The following FARS2 variants were observed in gnomAD, a reference collection of about 807,000 sequenced individuals.
FARS2 encodes phenylalanyl-tRNA synthetase 2, mitochondrial, also known as phenylalanine--tRNA ligase, mitochondrial.
A neutral mutation model predicts 46.4 loss-of-function variants in FARS2; 40 were observed. That is an observed-to-expected ratio of 0.86 (90% CI 0.67 to 1.12). The LOEUF (loss-of-function observed/expected upper bound fraction) is 1.12. Among genes scored for constraint, FARS2 ranks in the 50% most tolerant of loss-of-function variants. FARS2 has a pLI of 0.00. For missense variants in FARS2, 513 were observed against 567.9 expected, an observed-to-expected ratio of 0.90 and a Z score of 0.98; for synonymous variants, 234 against 214.9, an observed-to-expected ratio of 1.09 and a Z score of -0.78.
chr6:5,514,769 CTT>C (rs748510419), intron 4 of FARS2, among the ~76,000 whole-genome samples: 4 of 143,326 alleles, frequency 2.8e-5, no homozygotes, highest in Non-Finnish European at 4.6e-5. Context: ...ACATCTGTGG[CTT>C]TTTTTTTTTT....
intron 4 of FARS2, among the ~76,000 whole-genome samples, chr6:5,447,184 C>A (rs550596702): frequency 1.3e-5 from 2 of 152,162 alleles, no homozygotes; most frequent in East Asian, 1.9e-4. Flanking sequence ...GGAGAACAGG[C>A]GAATTGTCTA....
intron 6 of FARS2, among the ~76,000 whole-genome samples, chr6:5,769,171 G>A (rs1368088987): frequency 6.6e-6 from 1 of 152,118 alleles, no homozygotes; most frequent in African/African-American, 2.4e-5. Context: ...GTGAGGTAGG[G>A]ATTCAGCTTC....
intron 6 of FARS2, among the ~76,000 whole-genome samples, chr6:5,650,571 C>T (rs1250688548): frequency 1.3e-5 from 2 of 152,168 alleles, no homozygotes; most frequent in South Asian, 2.1e-4. Context: ...AGCTCCCCCT[C>T]CTGGGTTCAC....
Position 5,652,362 on chromosome 6 carries a change from C to T in FARS2, c.1217+39042C>T, listed in dbSNP as rs184905930. Among the ~76,000 whole-genome samples, 641 of 152,242 alleles carry T rather than the reference C, an allele frequency of 4.2e-3. 3 individuals are homozygous for T. Among genetic ancestry groups the T allele is most frequent in the African/African-American group, 0.014 (601 of 41,558 alleles). ...AAGTCCTGAGAATTATTTGACCCTT[C>T]GAATCTGTGCAAGTAGAACTTTGAT... is the stretch of plus-strand genomic sequence containing the variant. On this transcript the variant is annotated intron_variant, in intron 6 of 6. Transcript: ENST00000274680.
At chr6:5,292,840 A>G (rs561841109) in intron 1 of FARS2, among the ~76,000 whole-genome samples, 1 of 152,220 alleles carries the variant, frequency 6.6e-6, no homozygotes, top group Non-Finnish European at 1.5e-5. Flanking sequence ...GAGAGGGCCA[A>G]AGATGGAACT....
intron 6 of FARS2, among the ~76,000 whole-genome samples, chr6:5,692,348 T>C (rs1485211481): frequency 1.3e-5 from 2 of 152,342 alleles, no homozygotes; most frequent in East Asian, 3.9e-4. Context: ...TTCTATGAAT[T>C]TCTTAGGCTG....
intron 6 of FARS2, among the ~76,000 whole-genome samples, chr6:5,626,337 A>C (rs533394910): frequency 3.9e-5 from 6 of 152,264 alleles, no homozygotes; most frequent in African/African-American, 1.4e-4. Context: ...CATGGATCCC[A>C]GTATCCCGCA....
At chr6:5,634,267 T>A (rs938300004) in intron 6 of FARS2, among the ~76,000 whole-genome samples, 8 of 152,168 alleles carry the variant, frequency 5.3e-5, no homozygotes, top group African/African-American at 1.9e-4. Flanking sequence ...AAGTGAATCT[T>A]TTACAAAAGA....
At chr6:5,502,532 T>C (rs931182078) in intron 4 of FARS2, among the ~76,000 whole-genome samples, 1 of 152,218 alleles carries the variant, frequency 6.6e-6, no homozygotes, top group African/African-American at 2.4e-5. Flanking sequence ...ATATTTACCA[T>C]TCACATAAAA....
chr6:5,473,026 T>C (rs1304873885), intron 4 of FARS2, among the ~76,000 whole-genome samples: 5 of 152,192 alleles, frequency 3.3e-5, no homozygotes, highest in Admixed American at 6.5e-5. Flanking sequence ...TTGCAGTCCA[T>C]AGATATGTTC....
At chr6:5,716,569 G>C (rs1448604489) in intron 6 of FARS2, among the ~76,000 whole-genome samples, 1 of 152,168 alleles carries the variant, frequency 6.6e-6, no homozygotes, top group Non-Finnish European at 1.5e-5. Context: ...CTCCAATTCA[G>C]TTCTGACACT....
intron 6 of FARS2, among the ~76,000 whole-genome samples, chr6:5,636,990 A>G (rs1389239868): frequency 2.6e-5 from 4 of 152,256 alleles, no homozygotes; most frequent in Non-Finnish European, 2.9e-5. Flanking sequence ...CAAGAAGTCC[A>G]TAGAACATTC....
At chr6:5,521,865 G>A (rs1192306227) in intron 4 of FARS2, among the ~76,000 whole-genome samples, 1 of 152,114 alleles carries the variant, frequency 6.6e-6, no homozygotes, top group African/African-American at 2.4e-5. Flanking sequence ...TTTATAAGTG[G>A]TCGAGTCTCT....
At chr6:5,338,098 A>G (rs1455752226) in intron 1 of FARS2, among the ~76,000 whole-genome samples, 2 of 152,214 alleles carry the variant, frequency 1.3e-5, no homozygotes, top group African/African-American at 4.8e-5. Flanking sequence ...AGAAAGAGAA[A>G]CATAGAATGA....
chr6:5,578,349 A>C (rs1037737815), intron 5 of FARS2, among the ~76,000 whole-genome samples: 12 of 152,084 alleles, frequency 7.9e-5, no homozygotes, highest in African/African-American at 2.9e-4. Context: ...GGCTGCGCTG[A>C]GGTTATGCTC....
At chr6:5,563,132 A>G (rs1042699994) in intron 5 of FARS2, among the ~76,000 whole-genome samples, 2 of 152,130 alleles carry the variant, frequency 1.3e-5, no homozygotes, top group Non-Finnish European at 2.9e-5. Flanking sequence ...CCTGCCACGT[A>G]TACCAGCCAG....
Position 5,533,327 on chromosome 6 carries a change from A to G in FARS2, c.905-11853A>G, listed in dbSNP as rs140368046. ...GTTAAATATCACTTTATAATATGAT[A>G]GATAAAATCTCTCACAGATACAAAA... On this transcript the variant is annotated intron_variant, in intron 4 of 6. Coordinates refer to ENST00000274680, the MANE Select transcript of FARS2 (RefSeq NM_006567.5). 9.2e-3 allele frequency among the ~76,000 whole-genome samples: 1,407 copies of G among 152,352 alleles called. 16 individuals carry two copies. Among genetic ancestry groups the G allele is most frequent in the African/African-American group, 0.031 (1,291 of 41,584 alleles).
At chr6:5,531,898 T>C (rs937548832) in intron 4 of FARS2, among the ~76,000 whole-genome samples, 6 of 152,246 alleles carry the variant, frequency 3.9e-5, no homozygotes, top group Non-Finnish European at 8.8e-5. Context: ...AACAGGATAC[T>C]GCAGTGCTTT....
chr6:5,465,344 G>T (rs9504400), intron 4 of FARS2, among the ~76,000 whole-genome samples: 145 of 152,324 alleles, frequency 9.5e-4, no homozygotes, highest in African/African-American at 3.4e-3. Context: ...CAAGGTGGTT[G>T]GTTGGTGATG....
Sources: allele counts gnomAD v4.1 joint callset (sites outside exome capture counted in the v4.1 genomes callset), GRCh38; gene constraint gnomAD v4.1.1; transcripts MANE v1.5; gene names NCBI Gene and HGNC (gene_info 2026-07-23, HGNC 2026-07-21).